ESR1: variants seen among roughly 807,000 people sequenced by gnomAD.
The protein encoded by ESR1 is estrogen receptor.
A neutral mutation model predicts 52.7 loss-of-function variants in ESR1; 12 were observed. The ratio of observed to expected loss-of-function variants is 0.23; its 90% confidence interval spans 0.15 to 0.37. ESR1 has a LOEUF of 0.37. Among genes scored for constraint, ESR1 ranks in the 10% least tolerant of loss-of-function variants. The probability of loss-of-function intolerance (pLI) is 1.00; values close to 1 mark genes in which losing one functional copy is unlikely to be tolerated. For missense variants in ESR1, 584 were observed against 779.7 expected (o/e 0.75, Z 2.99); for synonymous variants, 305 against 316.8 (o/e 0.96, Z 0.39).
intron 2 of ESR1, among the ~76,000 whole-genome samples, chr6:151,876,324 G>GA (rs2128320707): frequency 6.6e-6 from 1 of 152,248 alleles, no homozygotes; most frequent in East Asian, 1.9e-4. Context: ...GTCAAGTCTT[G>GA]ATGGACAGGG....
chr6:151,971,428 G>A (rs2038900532), intron 4 of ESR1, among the ~76,000 whole-genome samples: 1 of 152,018 alleles, frequency 6.6e-6, no homozygotes, highest in Non-Finnish European at 1.5e-5. Context: ...CCACTTATGA[G>A]TGAGAATATA....
rs555334164 is a variant in ESR1 at position 152,120,152 on chromosome 6, T to C, written c.851-5114T>C. Among the ~76,000 whole-genome samples, 4 of 152,334 alleles carry C rather than the reference T, an allele frequency of 2.6e-5. No individual in the cohort carries two copies. In the East Asian group the frequency reaches 7.7e-4, roughly 29 times the overall value. On this transcript the variant is annotated intron_variant, in intron 6 of 6. Coordinates refer to the ESR1 transcript ENST00000427531. ...AGTTGACAGTGATGTGGAGAAGAAATGCTTCTGAAGTCTCTTTGCGCTTGC... is the reference window on the plus strand; with the variant it reads ...AGTTGACAGTGATGTGGAGAAGAAACGCTTCTGAAGTCTCTTTGCGCTTGC...
At chr6:151,892,566 A>G (rs2128370964) in intron 3 of ESR1, among the ~76,000 whole-genome samples, 1 of 151,788 alleles carries the variant, frequency 6.6e-6, no homozygotes, top group South Asian at 2.1e-4. Flanking sequence ...TTGTTGAGGC[A>G]GGACTCTGAA....
intron 4 of ESR1, among the ~76,000 whole-genome samples, chr6:151,970,713 G>A (rs528130580): frequency 7.2e-5 from 11 of 152,136 alleles, no homozygotes; most frequent in African/African-American, 2.2e-4. Flanking sequence ...GCCTCTTCTC[G>A]GTTTAGCACA....
At chr6:151,846,258 A>G (rs1391707026) in intron 2 of ESR1, among the ~76,000 whole-genome samples, 1 of 152,228 alleles carries the variant, frequency 6.6e-6, no homozygotes, top group East Asian at 1.9e-4. Context: ...TTTCTGGGCC[A>G]TGGATTTAAT....
intron 5 of ESR1, among the ~76,000 whole-genome samples, chr6:152,019,779 GGTA>G (rs2043472021): frequency 6.6e-6 from 1 of 152,104 alleles, no homozygotes; most frequent in African/African-American, 2.4e-5. Flanking sequence ...TGTCCATGAT[GGTA>G]TTAGAAAGAT....
chr6:151,685,616 G>T (rs1397716863), upstream of ESR1, among the ~76,000 whole-genome samples: 1 of 152,336 alleles, frequency 6.6e-6, no homozygotes, highest in South Asian at 2.1e-4. Flanking sequence ...CTGGAAGAGT[G>T]GGGAGAAGAC....
chr6:151,987,338 A>G (rs1025878428), intron 4 of ESR1, among the ~76,000 whole-genome samples: 9 of 152,098 alleles, frequency 5.9e-5, no homozygotes, highest in African/African-American at 2.2e-4. Context: ...CGCTCGCTGC[A>G]ACCTCTGCCT....
chr6:152,016,124 C>A (rs1489804346), intron 5 of ESR1, among the ~76,000 whole-genome samples: 1 of 152,142 alleles, frequency 6.6e-6, no homozygotes, highest in Non-Finnish European at 1.5e-5. Context: ...AGTCCCCCTG[C>A]ACAAGCTCTC....
At chr6:151,732,013 C>T (rs894811458) in intron 2 of ESR1, among the ~76,000 whole-genome samples, 1 of 152,142 alleles carries the variant, frequency 6.6e-6, no homozygotes, top group Non-Finnish European at 1.5e-5. Flanking sequence ...TTGCTCTTGG[C>T]ACCCTGCACC....
At chr6:151,942,966 A>C (rs2035253103) in intron 3 of ESR1, among the ~76,000 whole-genome samples, 1 of 152,220 alleles carries the variant, frequency 6.6e-6, no homozygotes, top group Non-Finnish European at 1.5e-5. Context: ...TCAGCAGTAC[A>C]GTATGGCCTT....
chr6:152,094,577 T>C lies in ESR1; in HGVS notation c.1553+9T>C, dbSNP rs1406438403. On this transcript the variant is annotated intron_variant, in intron 7 of 7. Coordinates refer to ENST00000206249, the MANE Select transcript of ESR1 (RefSeq NM_000125.4). The surrounding 1 kb of genome is among the most constrained non-coding windows in gnomAD (Gnocchi z 4.6). ...CACATCAGGCACATGAGGTGAGGCA[T>C]CTGTGGGCTTCCTACAGGAGAGACA... 1.2e-6 allele frequency: 2 copies of C among 1,613,162 alleles called. No individual in the cohort carries two copies. Among genetic ancestry groups the C allele is most frequent in the Admixed American group, 3.3e-5 (2 of 60,020 alleles).
intron 4 of ESR1, among the ~76,000 whole-genome samples, chr6:151,953,151 A>C (rs1313277753): frequency 6.6e-6 from 1 of 152,144 alleles, no homozygotes; most frequent in Non-Finnish European, 1.5e-5. Context: ...AGGTGACTGC[A>C]TTGAATCTTT....
intron 2 of ESR1, among the ~76,000 whole-genome samples, chr6:151,764,021 A>G (rs1784852428): frequency 6.6e-6 from 1 of 152,020 alleles, no homozygotes. Context: ...CAGCAGGGAA[A>G]CAGGCAGTTC....
At chr6:151,857,008 C>T (rs975218467) in intron 2 of ESR1, among the ~76,000 whole-genome samples, 15 of 152,050 alleles carry the variant, frequency 9.9e-5, no homozygotes. Context: ...GAATATAAGG[C>T]AAGATAAAAA....
At chr6:151,775,448 G>A (rs1785878519) in intron 2 of ESR1, among the ~76,000 whole-genome samples, 1 of 152,006 alleles carries the variant, frequency 6.6e-6, no homozygotes, top group African/African-American at 2.4e-5. Flanking sequence ...ACCTGTACTA[G>A]CGTGTTAAAA....
chr6:151,887,916 T>C (rs1434548292), intron 3 of ESR1, among the ~76,000 whole-genome samples: 1 of 151,312 alleles, frequency 6.6e-6, no homozygotes, highest in Admixed American at 6.6e-5. Context: ...AGATATCCAG[T>C]TTCTCTAGAA....
At chr6:151,838,008 A>G (rs1445402215) in intron 1 of ESR1, among the ~76,000 whole-genome samples, 3 of 152,138 alleles carry the variant, frequency 2.0e-5, no homozygotes, top group African/African-American at 7.2e-5. Flanking sequence ...TTTATTTTAT[A>G]TATTTTTTAT....
chr6:151,890,110 A>T (rs1317242876), intron 3 of ESR1, among the ~76,000 whole-genome samples: 4 of 149,634 alleles, frequency 2.7e-5, no homozygotes, highest in African/African-American at 4.9e-5. Flanking sequence ...TTTGAGACAG[A>T]GTCTCACTGT....
Sources: allele counts gnomAD v4.1 joint callset (sites outside exome capture counted in the v4.1 genomes callset), GRCh38; gene constraint gnomAD v4.1.1; non-coding constraint Gnocchi (gnomAD v3.1); transcripts MANE v1.5; gene names NCBI Gene and HGNC (gene_info 2026-07-23, HGNC 2026-07-21).